NEMP2: variants seen among roughly 807,000 people sequenced by gnomAD.
NEMP2 encodes nuclear envelope integral membrane protein 2.
Under a neutral mutation model 54.2 loss-of-function variants are expected in NEMP2, and 53 were observed. The ratio of observed to expected loss-of-function variants is 0.98; its 90% CI spans 0.78 to 1.23. The LOEUF (loss-of-function observed/expected upper bound fraction) is 1.23. NEMP2 is among the 50% of genes most tolerant of loss of function. The pLI is 0.00. For synonymous variants in NEMP2, 197 were observed against 190.3 expected (o/e 1.04, Z -0.29); for missense variants, 455 against 511.3 (o/e 0.89, Z 1.06).
In NEMP2 at chr2:190,505,357, A is replaced by G. The variant is rs1690162354; in HGVS notation, c.*3832T>C. On this transcript the variant is annotated 3_prime_UTR_variant, in exon 9 of 9. Transcript: ENST00000409150. The surrounding 1 kb of genome is among the most constrained non-coding windows in gnomAD (Gnocchi z 5.8). ...ATCTGTAAAATGAAAATACCAAAAC[A>G]TATCACAGAGTGGTCATGAGGTGCA... is the stretch of plus-strand genomic sequence containing the variant. 6.6e-6 allele frequency: 1 copy of G among 152,184 alleles called. No individual in the cohort carries two copies. Among genetic ancestry groups the G allele is most frequent in the Non-Finnish European group, 1.5e-5 (1 of 68,050 alleles). 9.4% of individuals were successfully genotyped at this position (152,184 alleles called of 1,614,324 possible). A position where few individuals can be genotyped will look rare whatever the true frequency, so the allele number is the denominator to read the frequency against.
At chr2:190,584,463 G>T in the NEMP2 span, among the ~76,000 whole-genome samples, 2 of 152,142 alleles carry the variant, frequency 1.3e-5, no homozygotes, top group Admixed American at 6.6e-5. This position sits in a 1 kb window ranked among gnomAD's most constrained non-coding sequence, Gnocchi z 4.2. Context: ...ACAATTATGG[G>T]TGTTCATCAT....
the NEMP2 span, among the ~76,000 whole-genome samples, chr2:190,554,038 G>A: frequency 2.6e-5 from 4 of 152,154 alleles, no homozygotes; most frequent in South Asian, 2.1e-4. The surrounding 1 kb of genome is among the most constrained non-coding windows in gnomAD (Gnocchi z 5.7). Flanking sequence ...GTGGGGCATC[G>A]CCTCATCCGG....
chr2:190,482,458 G>A, the NEMP2 span, among the ~76,000 whole-genome samples: 52,702 of 151,054 alleles, frequency 0.35, 9,456 homozygotes, highest in East Asian at 0.46. Flanking sequence ...CTATTCATGG[G>A]AAAGGTTTGT....
At chr2:190,573,721 T>G in the NEMP2 span, among the ~76,000 whole-genome samples, 1 of 152,212 alleles carries the variant, frequency 6.6e-6, no homozygotes, top group Non-Finnish European at 1.5e-5. Context: ...TGCTGCAGGT[T>G]TTCTCAAGAT....
the NEMP2 span, among the ~76,000 whole-genome samples, chr2:190,584,737 G>A: frequency 1.3e-5 from 2 of 152,008 alleles, no homozygotes; most frequent in Non-Finnish European, 2.9e-5. The surrounding 1 kb of genome is among the most constrained non-coding windows in gnomAD (Gnocchi z 4.2). Context: ...TTAGCTAAGT[G>A]TGGTGGCACA....
the NEMP2 span, among the ~76,000 whole-genome samples, chr2:190,620,944 A>G: frequency 6.6e-6 from 1 of 152,236 alleles, no homozygotes; most frequent in Non-Finnish European, 1.5e-5. The surrounding 1 kb of genome is among the most constrained non-coding windows in gnomAD (Gnocchi z 4.9). Context: ...TGCAAGTATC[A>G]ATATACTTCT....
chr2:190,447,109 G>C, the NEMP2 span, among the ~76,000 whole-genome samples: 6 of 152,248 alleles, frequency 3.9e-5, no homozygotes, highest in East Asian at 1.2e-3. The surrounding 1 kb of genome is among the most constrained non-coding windows in gnomAD (Gnocchi z 4.5). Flanking sequence ...AACTTGAAAG[G>C]ATGTCTTGAC....
chr2:190,567,593 A>G, the NEMP2 span, among the ~76,000 whole-genome samples: 21 of 152,306 alleles, frequency 1.4e-4, no homozygotes, highest in Admixed American at 2.6e-4. This position sits in a 1 kb window ranked among gnomAD's most constrained non-coding sequence, Gnocchi z 4.0. Context: ...CTCAACTACA[A>G]TATTGGACTA....
chr2:190,519,744 G>C lies in NEMP2; in HGVS notation c.214-561C>G, dbSNP rs1350099791. On this transcript the variant is annotated intron_variant, in intron 2 of 8. Coordinates refer to ENST00000409150, the MANE Select transcript of NEMP2 (RefSeq NM_001142645.2). The surrounding 1 kb of genome is among the most constrained non-coding windows in gnomAD (Gnocchi z 5.4). ...GTGGCTGATTTAAGTCCCTCTTCTAGCAAGTTATTGTGGCCAAGAGACATT... is the reference window on the plus strand; with the variant it reads ...GTGGCTGATTTAAGTCCCTCTTCTACCAAGTTATTGTGGCCAAGAGACATT... Among the ~76,000 whole-genome samples the C allele has an allele frequency of 2.6e-5, 4 of 152,158 alleles. 1 individual carries two copies. Among genetic ancestry groups the C allele is most frequent in the Admixed American group, 1.3e-4 (2 of 15,276 alleles).
the NEMP2 span, among the ~76,000 whole-genome samples, chr2:190,481,130 G>A: frequency 2.6e-5 from 4 of 152,262 alleles, no homozygotes; most frequent in Admixed American, 6.5e-5. Flanking sequence ...AACACTGGGC[G>A]TGTAGTATAA....
At chr2:190,648,581 C>T in the NEMP2 span, 1 of 145,148 alleles carries the variant, frequency 6.9e-6, no homozygotes, top group Non-Finnish European at 1.5e-5. Context: ...CGGGTGTGCT[C>T]TTTGAAATAC....
In NEMP2 at chr2:190,533,657, C is replaced by T. The variant is rs1275884077; in HGVS notation, c.97+902G>A. Among the ~76,000 whole-genome samples, 1 of 152,132 alleles carries T rather than the reference C, an allele frequency of 6.6e-6. No homozygotes were observed. The highest frequency in any genetic ancestry group is 6.5e-5 in the Admixed American group (1 of 15,270). ...ACCGCGGTATAACCGGAGGGAGGGC[C>T]ATGCCCAGCTAAAAGAATACACTTG... is the stretch of plus-strand genomic sequence containing the variant. On this transcript the variant is annotated intron_variant, in intron 1 of 8. Coordinates refer to ENST00000409150, the MANE Select transcript of NEMP2 (RefSeq NM_001142645.2). The surrounding 1 kb of genome is among the most constrained non-coding windows in gnomAD (Gnocchi z 4.3).
the NEMP2 span, among the ~76,000 whole-genome samples, chr2:190,476,951 A>G: frequency 2.0e-5 from 3 of 151,164 alleles, no homozygotes; most frequent in Non-Finnish European, 2.9e-5. Flanking sequence ...AACTATTGTA[A>G]GGACAAAAAA....
the NEMP2 span, among the ~76,000 whole-genome samples, chr2:190,439,366 A>G: frequency 2.6e-5 from 4 of 151,746 alleles, no homozygotes; most frequent in African/African-American, 4.8e-5. The surrounding 1 kb of genome is among the most constrained non-coding windows in gnomAD (Gnocchi z 5.8). Context: ...TTCACGTTTT[A>G]TTTGTTTATT....
chr2:190,490,369 T>C, the NEMP2 span, among the ~76,000 whole-genome samples: 1 of 151,744 alleles, frequency 6.6e-6, no homozygotes, highest in Non-Finnish European at 1.5e-5. This position sits in a 1 kb window ranked among gnomAD's most constrained non-coding sequence, Gnocchi z 4.5. Context: ...CAAGACCATC[T>C]TGGCTAACAC....
the NEMP2 span, among the ~76,000 whole-genome samples, chr2:190,551,465 T>C: frequency 6.6e-6 from 1 of 152,100 alleles, no homozygotes; most frequent in African/African-American, 2.4e-5. Flanking sequence ...CTAGTATAGT[T>C]TCATTTCTGA....
chr2:190,528,849 T>C lies in NEMP2; in HGVS notation c.98-3471A>G, dbSNP rs1157606714. Among the ~76,000 whole-genome samples the C allele has an allele frequency of 6.6e-6, 1 of 152,220 alleles. No homozygotes were observed. Among genetic ancestry groups the C allele is most frequent in the Non-Finnish European group, 1.5e-5 (1 of 68,042 alleles). ...CCTGGAGCTCTTAAGAGCAAGATGATGCAATTTAAGTATAGTGTATACTGC... is the reference window on the plus strand; with the variant it reads ...CCTGGAGCTCTTAAGAGCAAGATGACGCAATTTAAGTATAGTGTATACTGC... On this transcript the variant is annotated intron_variant, in intron 1 of 8. Coordinates refer to ENST00000409150, the MANE Select transcript of NEMP2 (RefSeq NM_001142645.2). This position sits in a 1 kb window ranked among gnomAD's most constrained non-coding sequence, Gnocchi z 4.3.
At chr2:190,643,023 GTT>G in the NEMP2 span, among the ~76,000 whole-genome samples, 1,398 of 79,562 alleles carry the variant, frequency 0.018, 32 homozygotes, top group African/African-American at 0.042. Flanking sequence ...AATGGTTAAG[GTT>G]TTTTTTTTTT....
the NEMP2 span, among the ~76,000 whole-genome samples, chr2:190,478,215 A>G: frequency 6.6e-6 from 1 of 152,190 alleles, no homozygotes; most frequent in African/African-American, 2.4e-5. Flanking sequence ...TTATGCCAGT[A>G]GAAACCTAGC....
Sources: allele counts gnomAD v4.1 joint callset (sites outside exome capture counted in the v4.1 genomes callset), GRCh38; gene constraint gnomAD v4.1.1; non-coding constraint Gnocchi (gnomAD v3.1); transcripts MANE v1.5; gene names NCBI Gene and HGNC (gene_info 2026-07-23, HGNC 2026-07-21).